Variants in DOCK11 observed in about 807,000 individuals in gnomAD.
DOCK11 encodes the protein dedicator of cytokinesis protein 11.
Under a neutral mutation model 169.1 loss-of-function variants are expected in DOCK11, and 70 were observed. The ratio of observed to expected loss-of-function variants is 0.41; its 90% CI spans 0.34 to 0.51. The LOEUF (loss-of-function observed/expected upper bound fraction) is 0.51. DOCK11 is among the 20% of genes least tolerant of loss of function. The pLI is 0.10. For missense variants in DOCK11, 1,166 were observed against 1,538.8 expected (o/e 0.76, Z 4.05); for synonymous variants, 529 against 541.3 (o/e 0.98, Z 0.32).
chrX:118,535,434 A>C, intron 1 of DOCK11, among the ~76,000 whole-genome samples: 1 of 112,196 alleles, frequency 8.9e-6, no homozygotes, highest in Non-Finnish European at 1.9e-5. Context: ...GCTTAATGTA[A>C]GTGGTAACAG....
chrX:118,634,876 G>A (rs982674494), intron 35 of DOCK11, among the ~76,000 whole-genome samples: 1 of 110,658 alleles, frequency 9.0e-6, no homozygotes, highest in African/African-American at 3.3e-5. Context: ...TTACAGGCGC[G>A]CCACCACGCC....
chrX:118,528,849 G>C (rs1238097569), intron 1 of DOCK11, among the ~76,000 whole-genome samples: 1 of 109,410 alleles, frequency 9.1e-6, no homozygotes, highest in Non-Finnish European at 1.9e-5. Context: ...GGGATAGACA[G>C]AGAGAGAGAG....
rs769007885 is a variant in DOCK11, at chrX:118,598,075, T to C, written c.2431T>C (p.Leu811=). 3 of 1,199,707 alleles carry C rather than the reference T, an allele frequency of 2.5e-6. No individual in the cohort carries two copies. The highest frequency in any genetic ancestry group is 1.8e-5 in the South Asian group (1 of 54,695). ...IKWVDGAKPL[L]KIKSHLESTI... ...ATGGGTAGATGGTGCAAAGCCTTTG[T>C]TGAAGATTAAAAGCCACTTAGAATC... Residue 811 remains leucine, a synonymous_variant, in exon 22 of 53, where the codon TTG becomes CTG. Transcript: ENST00000276202.
At chrX:118,564,683 C>CTCTT (rs1267633905) in intron 7 of DOCK11, among the ~76,000 whole-genome samples, 40 of 103,139 alleles carry the variant, frequency 3.9e-4, no homozygotes, top group African/African-American at 1.3e-3. Context: ...TTCTTTCTTT[C>CTCTT]TCTTTCTTTC....
chrX:118,497,371 G>A (rs868213344), intron 1 of DOCK11, among the ~76,000 whole-genome samples: 12 of 111,885 alleles, frequency 1.1e-4, no homozygotes, highest in Non-Finnish European at 1.9e-4. Context: ...TCTGGAGGAG[G>A]ATCAAAGGTA....
Position 118,671,213 on chromosome X carries a change from A to T in DOCK11, c.5199+68A>T. ...TTTTGGTTTTAGGGAAAACAGTAAT[A>T]TAGTTCTGTCACTATTATTCGACTT... On this transcript the variant is annotated intron_variant, in intron 46 of 52. Transcript: ENST00000276202. 4 of 1,001,654 alleles carry T rather than the reference A, an allele frequency of 4.0e-6. No homozygotes were observed. The South Asian group carries it at 7.7e-5, about 19-fold the overall frequency. 82.5% of individuals were successfully genotyped at this position (1,001,654 alleles called of 1,213,427 possible). A position where few individuals can be genotyped will look rare whatever the true frequency, so the allele number is the denominator to read the frequency against.
intron 35 of DOCK11, among the ~76,000 whole-genome samples, chrX:118,630,957 T>C (rs183145005): frequency 8.9e-6 from 1 of 111,751 alleles, no homozygotes; most frequent in East Asian, 2.8e-4. Flanking sequence ...CTGTATGATA[T>C]TGTCTGGTAT....
chrX:118,676,849 CA>C, intron 48 of DOCK11, 112 bp downstream of exon 48: 1 of 728,637 alleles, frequency 1.4e-6, no homozygotes, highest in Non-Finnish European at 1.9e-6. Flanking sequence ...CAGAGCTTTC[CA>C]GATAATAAAA....
In DOCK11 at chrX:118,541,516, AG is replaced by A. The variant is rs199569724; in HGVS notation, c.103-1205del. On this transcript the variant is annotated intron_variant, in intron 1 of 52. Transcript: ENST00000276202. ...TGGGTGCCGTCTTTGTGTATTTCTG[AG>A]GGGAAAAAGAAAAGCAGAGCCTTTG... is the stretch of plus-strand genomic sequence containing the variant. Among the ~76,000 whole-genome samples, 47 of 111,857 alleles carry A rather than the reference AG, an allele frequency of 4.2e-4. No individual in the cohort carries two copies. The East Asian group carries it at 0.01, about 24-fold the overall frequency.
chrX:118,543,678 C>T (rs1429604882), intron 4 of DOCK11, 85 bp downstream of exon 4: 14 of 796,054 alleles, frequency 1.8e-5, no homozygotes, highest in South Asian at 4.4e-5. Context: ...AGGCCGGGTG[C>T]AGTGGCTCAC....
chrX:118,560,491 G>A (rs1001227978), intron 6 of DOCK11, among the ~76,000 whole-genome samples: 1 of 111,986 alleles, frequency 8.9e-6, no homozygotes, highest in Non-Finnish European at 1.9e-5. Flanking sequence ...ACCCTGAAGT[G>A]ACTTCAGATC....
chrX:118,527,901 G>T (rs1001048121), intron 1 of DOCK11, among the ~76,000 whole-genome samples: 1 of 112,185 alleles, frequency 8.9e-6, no homozygotes, highest in African/African-American at 3.2e-5. Context: ...GCCCATCCAA[G>T]AATTGACTAA....
At chrX:118,594,557 G>T (rs2014099614) in intron 20 of DOCK11, among the ~76,000 whole-genome samples, 1 of 111,694 alleles carries the variant, frequency 9.0e-6, no homozygotes, top group Non-Finnish European at 1.9e-5. Flanking sequence ...TCAGATAAGG[G>T]ATACTCAAAC....
intron 2 of DOCK11, 42 bp from the exon 3 acceptor site, chrX:118,542,884 T>C (rs1317286551): frequency 8.3e-7 from 1 of 1,200,429 alleles, no homozygotes; most frequent in Admixed American, 2.2e-5. Context: ...ACCCCTATTT[T>C]TCAAGCCAGT....
intron 1 of DOCK11, among the ~76,000 whole-genome samples, chrX:118,535,815 TG>T (rs746624145): frequency 8.9e-6 from 1 of 111,761 alleles, no homozygotes; most frequent in Non-Finnish European, 1.9e-5. Context: ...TTTGGCAAGT[TG>T]GGTTCTGCTA....
intron 1 of DOCK11, among the ~76,000 whole-genome samples, chrX:118,509,926 C>T (rs2057639072): frequency 8.9e-6 from 1 of 111,754 alleles, no homozygotes; most frequent in Non-Finnish European, 1.9e-5. Flanking sequence ...TCGAGTCTTT[C>T]TCACATCCTA....
chrX:118,552,936 T>C (rs919653846), intron 6 of DOCK11, among the ~76,000 whole-genome samples: 2 of 111,634 alleles, frequency 1.8e-5, no homozygotes, highest in Non-Finnish European at 3.8e-5. Flanking sequence ...GTTGGTTGTT[T>C]GGGTGCAGTG....
chrX:118,627,363 A>C, intron 32 of DOCK11, 141 bp from the exon 33 acceptor site: 2 of 477,107 alleles, frequency 4.2e-6, no homozygotes, highest in Non-Finnish European at 7.3e-6. Context: ...GAGTCACCTA[A>C]ATACTAATTA....
chrX:118,654,653 G>C lies in DOCK11; in HGVS notation c.4747G>C (p.Val1583Leu). The part of the protein sequence containing the change: ...VKDLTKRIRT[V>L]LMATAQMKEH... ...AGACTTGACCAAGAGAATCCGCACT[G>C]TTCTTATGGCCACTGCCCAAATGAA... is the stretch of plus-strand genomic sequence containing the variant. The change falls in exon 43 of 53, where the codon GTT (valine) becomes CTT (leucine). Residue 1583 changes from valine (V) to leucine (L), a missense_variant. Transcript: ENST00000276202. 1 of 1,211,605 alleles carries C rather than the reference G, an allele frequency of 8.3e-7. No individual in the cohort carries two copies. The highest frequency in any genetic ancestry group is 1.1e-6 in the Non-Finnish European group (1 of 895,457).
Sources: allele counts gnomAD v4.1 joint callset (sites outside exome capture counted in the v4.1 genomes callset), GRCh38; gene constraint gnomAD v4.1.1; transcripts MANE v1.5; gene names NCBI Gene and HGNC (gene_info 2026-07-23, HGNC 2026-07-21).